Variants in BCL7B observed in about 807,000 individuals in gnomAD.
The protein encoded by BCL7B is B-cell CLL/lymphoma 7 protein family member B.
A neutral mutation model predicts 26.5 loss-of-function variants in BCL7B; 11 were observed. The observed-to-expected ratio is 0.42, with a 90% CI of 0.26 to 0.69. The LOEUF (loss-of-function observed/expected upper bound fraction) is 0.69. BCL7B is among the 30% of genes least tolerant of loss of function. The pLI is 0.28. For missense variants in BCL7B, 215 were observed against 264.4 expected (o/e 0.81, Z 1.30); for synonymous variants, 111 against 107.9 (o/e 1.03, Z -0.18).
chr7:73,546,150 G>A (rs1253570091), intron 2 of BCL7B, among the ~76,000 whole-genome samples: 1,866 of 142,224 alleles, frequency 0.013, 37 homozygotes, highest in African/African-American at 0.043. Context: ...AAAAAAAAAA[G>A]AAAGAAAAAC....
At chr7:73,554,943 T>C (rs1035290086) in intron 1 of BCL7B, among the ~76,000 whole-genome samples, 10 of 152,106 alleles carry the variant, frequency 6.6e-5, no homozygotes, top group Admixed American at 5.9e-4. Flanking sequence ...CCAATTAGTA[T>C]ACAACAGGCT....
intron 1 of BCL7B, among the ~76,000 whole-genome samples, chr7:73,552,560 C>T (rs1421384637): frequency 1.3e-5 from 2 of 151,944 alleles, no homozygotes; most frequent in South Asian, 2.1e-4. Context: ...GGGCAGATCG[C>T]TTGAGGTCAG....
chr7:73,557,510 C>T lies in BCL7B; in HGVS notation c.69G>A (p.Ala23=), dbSNP rs782572704. 33 of 1,450,360 alleles carry T rather than the reference C, an allele frequency of 2.3e-5. 1 individual carries two copies. The highest frequency in any genetic ancestry group is 4.6e-5 in the Admixed American group (2 of 43,898). 89.8% of individuals were successfully genotyped at this position (1,450,360 alleles called of 1,614,324 possible). A position where few individuals can be genotyped will look rare whatever the true frequency, so the allele number is the denominator to read the frequency against. Residue 23 remains alanine (A), a synonymous_variant, in exon 1 of 6, where the codon GCG becomes GCA. Transcript: ENST00000223368. The part of the protein sequence containing the change: ...RAKDDIKKVM[A]AIEKVRKWEK... ...ACCATTTCCGCACTTTCTCGATGGCCGCCATCACCTTCTTGATGTCGTCCT... is the reference window on the plus strand; with the variant it reads ...ACCATTTCCGCACTTTCTCGATGGCTGCCATCACCTTCTTGATGTCGTCCT...
At chr7:73,556,973 G>A (rs1270368889) in intron 1 of BCL7B, 5 of 988,686 alleles carry the variant, frequency 5.1e-6, no homozygotes, top group Non-Finnish European at 6.0e-6. Context: ...CTGGGGGAAA[G>A]GGAGGGGTAT....
intron 4 of BCL7B, among the ~76,000 whole-genome samples, chr7:73,539,543 T>C (rs1465359800): frequency 6.6e-6 from 1 of 152,174 alleles, no homozygotes; most frequent in Non-Finnish European, 1.5e-5. Context: ...TGAGCCACCA[T>C]GCCCAGCCCA....
intron 1 of BCL7B, among the ~76,000 whole-genome samples, chr7:73,555,677 T>A (rs1247136612): frequency 6.6e-6 from 1 of 152,144 alleles, no homozygotes; most frequent in African/African-American, 2.4e-5. Flanking sequence ...GAGGGCCTTC[T>A]TCAGTATTTA....
At position 73,537,129 on chromosome 7, in the gene BCL7B, A is replaced by C; in HGVS notation, c.*169T>G. 1.7e-6 allele frequency: 1 copy of C among 573,478 alleles called. No homozygotes were observed. Among genetic ancestry groups the C allele is most frequent in the Non-Finnish European group, 3.1e-6 (1 of 322,680 alleles). The allele number at this position is 573,478 out of a possible 1,614,324, so 35.5% of individuals were successfully genotyped here. The stretch of plus-strand genomic sequence containing the variant: ...GCAAGTAGACACAGGTGCCAGGGTC[A>C]GGAAGATGATGCTACAGCCCCAAGT... On this transcript the variant is annotated 3_prime_UTR_variant, in exon 6 of 6. Transcript: ENST00000223368.
intron 3 of BCL7B, among the ~76,000 whole-genome samples, chr7:73,541,446 A>G (rs1791767539): frequency 6.6e-6 from 1 of 151,300 alleles, no homozygotes; most frequent in Non-Finnish European, 1.5e-5. Context: ...TGCCTAAGGG[A>G]GAAATGTCAT....
rs149281784 is a variant in BCL7B, at chr7:73,557,419, G to T, written c.92+68C>A. 5.0e-6 allele frequency: 5 copies of T among 1,007,326 alleles called. No individual in the cohort carries two copies. In the Admixed American group the frequency reaches 1.6e-4, roughly 32 times the overall value. 62.4% of individuals were successfully genotyped at this position (1,007,326 alleles called of 1,614,324 possible). ...CGGCCGGTCGGCTCCCACCTGACCC[G>T]CCAGTCCCACGCTCCTCAGGGCCTG... On this transcript the variant is annotated intron_variant, in intron 1 of 5. Transcript: ENST00000223368.
intron 2 of BCL7B, among the ~76,000 whole-genome samples, chr7:73,548,702 G>A (rs1035106692): frequency 1.4e-5 from 2 of 139,456 alleles, no homozygotes; most frequent in South Asian, 2.1e-4. Flanking sequence ...AAGCCGAGGC[G>A]GGCGGATCAC....
Position 73,550,628 on chromosome 7 carries a change from T to A in BCL7B, c.168+1539A>T, listed in dbSNP as rs536899653. 4.0e-5 allele frequency among the ~76,000 whole-genome samples: 5 copies of A among 123,508 alleles called. No homozygotes were observed. In the South Asian group the frequency reaches 1.4e-3, roughly 36 times the overall value. 81.0% of individuals were successfully genotyped at this position (123,508 alleles called of 152,430 possible). On this transcript the variant is annotated intron_variant, in intron 2 of 5. Coordinates refer to ENST00000223368, the MANE Select transcript of BCL7B (RefSeq NM_001707.4). The stretch of plus-strand genomic sequence containing the variant: ...ACAAAGAGGTTCTGGCAAAATACTG[T>A]ACATATTTTTTTTTTGTTTTTTTTT...
intron 2 of BCL7B, 103 bp downstream of exon 2, chr7:73,552,064 G>C (rs1300404703): frequency 2.1e-6 from 2 of 935,342 alleles, no homozygotes; most frequent in Admixed American, 2.3e-5. Context: ...CTGCACTCCA[G>C]CCTGGGTGAC....
At chr7:73,541,655 C>T (rs1460702482) in intron 3 of BCL7B, among the ~76,000 whole-genome samples, 7 of 151,738 alleles carry the variant, frequency 4.6e-5, no homozygotes, top group South Asian at 2.1e-4. Context: ...TTATTAGAGA[C>T]GGGGTTTCAC....
At chr7:73,547,403 C>A (rs1554583581) in intron 2 of BCL7B, among the ~76,000 whole-genome samples, 1 of 152,040 alleles carries the variant, frequency 6.6e-6, no homozygotes, top group African/African-American at 2.4e-5. Flanking sequence ...TTTGAGGCTA[C>A]AGTGAACCAT....
intron 4 of BCL7B, chr7:73,539,626 G>C (rs1212470220): frequency 4.6e-6 from 2 of 433,448 alleles, no homozygotes; most frequent in Non-Finnish European, 8.3e-6. Context: ...CACCTCACAG[G>C]ATTTTTGAGA....
chr7:73,547,711 G>A (rs1792005505), intron 2 of BCL7B, among the ~76,000 whole-genome samples: 1 of 152,172 alleles, frequency 6.6e-6, no homozygotes, highest in African/African-American at 2.4e-5. Flanking sequence ...CAACATGAAA[G>A]TGAAACAAAG....
intron 3 of BCL7B, chr7:73,542,861 G>A (rs1379216393): frequency 6.7e-6 from 3 of 450,410 alleles, no homozygotes; most frequent in African/African-American, 6.0e-5. Flanking sequence ...GACTGCTTGA[G>A]GCCAGGAGTT....
intron 5 of BCL7B, 69 bp from the exon 6 acceptor site, chr7:73,537,459 T>G: frequency 8.6e-7 from 1 of 1,167,464 alleles, no homozygotes; most frequent in South Asian, 1.2e-5. Flanking sequence ...CCCACCCGAA[T>G]TATAATGGGA....
In BCL7B at chr7:73,543,592, G is replaced by A; in HGVS notation, c.221C>T (p.Pro74Leu). 6.2e-7 allele frequency: 1 copy of A among 1,613,912 alleles called. No individual in the cohort carries two copies. The highest frequency in any genetic ancestry group is 8.5e-7 in the Non-Finnish European group (1 of 1,179,962). ...AGAGGAATTGGCTGAGGCATCAGAAGGAAAGCCATTAGGTTCTCGGGCTGC... is the reference window on the plus strand; with the variant it reads ...AGAGGAATTGGCTGAGGCATCAGAAAGAAAGCCATTAGGTTCTCGGGCTGC... ...SSAAREPNGF[P>L]SDASANSSLL... The change falls in exon 3 of 6, where the codon CCT (proline) becomes CTT (leucine). Residue 74 changes from proline to leucine, a missense_variant. Transcript: ENST00000223368.
Sources: gnomAD v4.1 joint callset for allele counts (sites outside exome capture counted in the v4.1 genomes callset) on GRCh38, gnomAD v4.1.1 for gene constraint, MANE v1.5 for transcripts, NCBI Gene and HGNC (gene_info 2026-07-23, HGNC 2026-07-21) for gene names.